The following SLC25A26 variants were observed in gnomAD, a reference collection of about 807,000 sequenced individuals.
The protein encoded by SLC25A26 is mitochondrial S-adenosylmethionine carrier protein.
In SLC25A26, 36 loss-of-function variants were observed where a neutral mutation model predicts 37.8. The observed-to-expected ratio is 0.95, with a 90% CI of 0.73 to 1.26. The LOEUF (loss-of-function observed/expected upper bound fraction) is 1.26, where lower values mean the gene tolerates loss of function less well. Ranked by LOEUF, SLC25A26 falls within the 50% of genes most tolerant of loss-of-function variation. The probability of loss-of-function intolerance (pLI) is 0.00; values close to 1 mark genes in which losing one functional copy is unlikely to be tolerated. For synonymous variants in SLC25A26, 129 were observed against 122.5 expected (o/e 1.05, Z -0.35); for missense variants, 390 against 331.1 (o/e 1.18, Z -1.38).
chr3:66,177,530 C>A (rs564762593), intron 1 of SLC25A26, among the ~76,000 whole-genome samples: 26 of 152,210 alleles, frequency 1.7e-4, no homozygotes, highest in Non-Finnish European at 2.6e-4. Context: ...CCTTGTTCCC[C>A]CTCCACCTCA....
intron 1 of SLC25A26, among the ~76,000 whole-genome samples, chr3:66,179,122 T>C (rs772429950): frequency 2.1e-4 from 32 of 152,220 alleles, no homozygotes; most frequent in Non-Finnish European, 2.9e-4. Flanking sequence ...AGAACATTTG[T>C]CATATTTTTC....
At chr3:66,182,461 C>T (rs1456852788) in intron 1 of SLC25A26, among the ~76,000 whole-genome samples, 1 of 151,990 alleles carries the variant, frequency 6.6e-6, no homozygotes, top group Non-Finnish European at 1.5e-5. Context: ...AGATCATCAC[C>T]GTGTATTTTT....
intron 6 of SLC25A26, among the ~76,000 whole-genome samples, chr3:66,362,480 C>G (rs185670345): frequency 6.6e-6 from 1 of 152,256 alleles, no homozygotes; most frequent in East Asian, 1.9e-4. Flanking sequence ...GCATACTAAT[C>G]TAGAATGACA....
At chr3:66,263,402 T>C (rs1470287683) in intron 5 of SLC25A26, 23 bp downstream of exon 5, 5 of 1,514,710 alleles carry the variant, frequency 3.3e-6, no homozygotes, top group East Asian at 2.3e-5. Context: ...CTTTCCAATA[T>C]TGAAGTACGA....
intron 5 of SLC25A26, among the ~76,000 whole-genome samples, chr3:66,313,226 C>A (rs904561977): frequency 6.6e-6 from 1 of 152,134 alleles, no homozygotes; most frequent in African/African-American, 2.4e-5. Context: ...AATGGTATTG[C>A]CTAGATTTTC....
At chr3:66,297,342 A>G (rs2074937002) in intron 5 of SLC25A26, among the ~76,000 whole-genome samples, 1 of 152,126 alleles carries the variant, frequency 6.6e-6, no homozygotes, top group East Asian at 1.9e-4. Context: ...AAAAAAAAAA[A>G]AAAAAAGAAT....
chr3:66,344,368 CAGG>C (rs1276001366), intron 5 of SLC25A26, among the ~76,000 whole-genome samples: 2 of 151,888 alleles, frequency 1.3e-5, no homozygotes, highest in Admixed American at 1.3e-4. Context: ...GAGGCTGAGA[CAGG>C]AGAATTGCTT....
chr3:66,245,526 A>G (rs1456928319), intron 3 of SLC25A26, among the ~76,000 whole-genome samples: 1 of 152,228 alleles, frequency 6.6e-6, no homozygotes, highest in African/African-American at 2.4e-5. Context: ...GCCTTTTATC[A>G]AATCACACTT....
intron 1 of SLC25A26, among the ~76,000 whole-genome samples, chr3:66,174,516 C>G (rs2106738799): frequency 6.6e-6 from 1 of 152,326 alleles, no homozygotes; most frequent in South Asian, 2.1e-4. Flanking sequence ...CGTGGTGGCT[C>G]AGGCCTGTAA....
intron 1 of SLC25A26, among the ~76,000 whole-genome samples, chr3:66,159,297 T>C (rs1377120902): frequency 6.6e-6 from 1 of 152,186 alleles, no homozygotes; most frequent in Non-Finnish European, 1.5e-5. Context: ...GACAATTACA[T>C]GGAATTTCAA....
intron 5 of SLC25A26, among the ~76,000 whole-genome samples, chr3:66,327,981 A>C (rs1307858043): frequency 1.3e-5 from 2 of 151,958 alleles, no homozygotes; most frequent in African/African-American, 2.4e-5. Flanking sequence ...ATATGGAATT[A>C]ATAGGTTTGG....
chr3:66,298,462 C>T (rs1200662517), intron 5 of SLC25A26, among the ~76,000 whole-genome samples: 1 of 151,862 alleles, frequency 6.6e-6, no homozygotes, highest in Non-Finnish European at 1.5e-5. Context: ...GTGGGGTTTT[C>T]TTTTTTTGGT....
chr3:66,228,551 G>C (rs2071865678), intron 1 of SLC25A26, among the ~76,000 whole-genome samples: 1 of 152,176 alleles, frequency 6.6e-6, no homozygotes, highest in Admixed American at 6.5e-5. Flanking sequence ...TGCTTAACCA[G>C]ATACATTTGT....
At chr3:66,246,786 ACT>A (rs1408121208) in intron 3 of SLC25A26, among the ~76,000 whole-genome samples, 3 of 152,040 alleles carry the variant, frequency 2.0e-5, no homozygotes, top group African/African-American at 7.2e-5. Context: ...TTGGCTTCAG[ACT>A]CTTGGCCTCA....
At chr3:66,371,783 T>A (rs1306750228) in intron 9 of SLC25A26, among the ~76,000 whole-genome samples, 3 of 152,090 alleles carry the variant, frequency 2.0e-5, no homozygotes, top group Non-Finnish European at 4.4e-5. Flanking sequence ...GTCCTGAAGC[T>A]ACTTAGCCAG....
intron 5 of SLC25A26, among the ~76,000 whole-genome samples, chr3:66,268,663 T>C (rs141520064): frequency 1.2e-3 from 177 of 152,272 alleles, no homozygotes; most frequent in African/African-American, 4.0e-3. Context: ...GAAAGAGCTT[T>C]AACAGTGAAG....
chr3:66,220,848 A>C, upstream of SLC25A26: 3 of 564,822 alleles, frequency 5.3e-6, no homozygotes, highest in South Asian at 4.3e-5. Context: ...ACGCTGCTGC[A>C]GGAAACCGAG....
chr3:66,207,107 A>G (rs945659600), intron 1 of SLC25A26, among the ~76,000 whole-genome samples: 1 of 150,754 alleles, frequency 6.6e-6, no homozygotes, highest in African/African-American at 2.4e-5. Context: ...CTAATACGAT[A>G]TTTTCTTAGC....
intron 1 of SLC25A26, among the ~76,000 whole-genome samples, chr3:66,172,382 G>A (rs1360933730): frequency 8.1e-6 from 1 of 124,058 alleles, no homozygotes; most frequent in African/African-American, 3.2e-5. Flanking sequence ...TTGTACTCCA[G>A]CCTGGGCCAG....
Sources: allele counts gnomAD v4.1 joint callset (sites outside exome capture counted in the v4.1 genomes callset), GRCh38; gene constraint gnomAD v4.1.1; transcripts MANE v1.5; gene names NCBI Gene and HGNC (gene_info 2026-07-23, HGNC 2026-07-21).